Variants in CENPP observed in about 807,000 individuals in gnomAD.
The protein encoded by CENPP is centromere protein P.
In CENPP, 24 loss-of-function variants were observed where a neutral mutation model predicts 35.6. The observed-to-expected ratio is 0.67, with a 90% CI of 0.49 to 0.95. The LOEUF is 0.95. CENPP is among the 40% of genes least tolerant of loss of function. The pLI is 0.00. For missense variants in CENPP, 332 were observed against 345.3 expected (o/e 0.96, Z 0.31); for synonymous variants, 120 against 125.5 (o/e 0.96, Z 0.29).
rs1472679178 is a variant in CENPP at position 92,429,723 on chromosome 9, G to C, written c.564+49864G>C. ...AATTCCTTGAACCCAGGAGGCGGAG[G>C]TTGCAGTGAGCCGAGATTGCACCAT... On this transcript the variant is annotated intron_variant, in intron 5 of 7. Coordinates refer to ENST00000375587, the MANE Select transcript of CENPP (RefSeq NM_001012267.3). 2.6e-5 allele frequency among the ~76,000 whole-genome samples: 4 copies of C among 152,024 alleles called. No individual in the cohort carries two copies. In the East Asian group the frequency reaches 7.7e-4, roughly 29 times the overall value.
At chr9:92,414,874 A>G (rs995945216) in intron 5 of CENPP, 3 of 275,504 alleles carry the variant, frequency 1.1e-5, no homozygotes, top group Non-Finnish European at 2.0e-5. Flanking sequence ...CTTTAACATG[A>G]TATTTCTATA....
chr9:92,475,145 G>C (rs185255481), intron 5 of CENPP, among the ~76,000 whole-genome samples: 1 of 152,180 alleles, frequency 6.6e-6, no homozygotes, highest in Admixed American at 6.5e-5. Context: ...TTAAAATCTA[G>C]TCTCAGGAAA....
intron 5 of CENPP, among the ~76,000 whole-genome samples, chr9:92,599,047 C>T (rs1262018446): frequency 3.3e-5 from 5 of 151,736 alleles, no homozygotes; most frequent in African/African-American, 4.8e-5. Context: ...TTGCAGTGAA[C>T]TGAGATCGCA....
In CENPP at chr9:92,467,179, C is replaced by T. The variant is rs182318739; in HGVS notation, c.564+87320C>T. 1.6e-4 allele frequency among the ~76,000 whole-genome samples: 25 copies of T among 152,290 alleles called. No individual in the cohort carries two copies. In the East Asian group the frequency reaches 4.6e-3, roughly 28 times the overall value. The stretch of plus-strand genomic sequence containing the variant: ...TTGGGTATTTCTCAGGGCAATAAGA[C>T]AGCATCCTCCAGAGGAGGTCTAATA... On this transcript the variant is annotated intron_variant, in intron 5 of 7. Transcript: ENST00000375587.
In CENPP at chr9:92,552,188, T is replaced by C. The variant is rs1564000390; in HGVS notation, c.565-59126T>C. Among the ~76,000 whole-genome samples the C allele has an allele frequency of 1.7e-3, 173 of 99,676 alleles. 1 individual carries two copies. Among genetic ancestry groups the C allele is most frequent in the African/African-American group, 2.4e-3 (37 of 15,598 alleles). 65.4% of individuals were successfully genotyped at this position (99,676 alleles called of 152,430 possible). A position where few individuals can be genotyped will look rare whatever the true frequency, so the allele number is the denominator to read the frequency against. On this transcript the variant is annotated intron_variant, in intron 5 of 7. Coordinates refer to ENST00000375587, the MANE Select transcript of CENPP (RefSeq NM_001012267.3). Reference sequence around the variant, plus strand: ...TATATGTGATATGATAGATCTATCATATACACACACACACACACACACACA... The same window carrying C: ...TATATGTGATATGATAGATCTATCACATACACACACACACACACACACACA...
intron 5 of CENPP, among the ~76,000 whole-genome samples, chr9:92,398,099 A>T (rs1842965830): frequency 6.6e-6 from 1 of 152,112 alleles, no homozygotes; most frequent in Admixed American, 6.6e-5. Context: ...AGTATTGCTA[A>T]CTCATAACAC....
chr9:92,366,057 G>A (rs1312222588), intron 4 of CENPP, among the ~76,000 whole-genome samples: 1 of 151,492 alleles, frequency 6.6e-6, no homozygotes, highest in Non-Finnish European at 1.5e-5. Context: ...GCGGGCACCT[G>A]TAGTCCCAGC....
intron 5 of CENPP, chr9:92,493,982 C>T (rs1045020144): frequency 1.5e-5 from 17 of 1,143,256 alleles, no homozygotes; most frequent in East Asian, 7.4e-5. Flanking sequence ...AGTCTCCTGG[C>T]GGCCCTCAGG....
At chr9:92,547,756 A>G (rs1049844736) in intron 5 of CENPP, among the ~76,000 whole-genome samples, 1 of 152,252 alleles carries the variant, frequency 6.6e-6, no homozygotes, top group African/African-American at 2.4e-5. Flanking sequence ...CTAGGAATAT[A>G]CTAAAAACCA....
intron 5 of CENPP, among the ~76,000 whole-genome samples, chr9:92,579,069 A>T (rs1850354552): frequency 6.6e-6 from 1 of 150,584 alleles, no homozygotes; most frequent in African/African-American, 2.4e-5. Context: ...TCCTTTCCCC[A>T]TTGCTTGTTT....
In CENPP at chr9:92,613,059, T is replaced by G; in HGVS notation, c.777T>G (p.Pro259=). The part of the protein sequence containing the change: ...LDKNRAIETA[P]LSFRTLVGLL... ...AGAACAGAGCCATAGAAACTGCTCC[T>G]CTCAGCTTCCGAACCCTGGTAGGAC... Residue 259 remains proline (P), a synonymous_variant, in exon 8 of 8, where the codon CCT becomes CCG. Transcript: ENST00000375587. The G allele has an allele frequency of 6.2e-7, 1 of 1,614,170 alleles. No homozygotes were observed. Among genetic ancestry groups the G allele is most frequent in the Non-Finnish European group, 8.5e-7 (1 of 1,180,010 alleles).
intron 5 of CENPP, among the ~76,000 whole-genome samples, chr9:92,530,909 G>C (rs185939862): frequency 1.3e-5 from 2 of 152,132 alleles, no homozygotes; most frequent in Admixed American, 6.5e-5. Context: ...CCAATGTTTA[G>C]CTCTTACTTA....
chr9:92,601,945 A>C (rs1268352966), intron 5 of CENPP, among the ~76,000 whole-genome samples: 1 of 152,214 alleles, frequency 6.6e-6, no homozygotes, highest in Non-Finnish European at 1.5e-5. Context: ...TTCCACTGAC[A>C]GGCCCTAGAA....
chr9:92,456,915 CA>C, intron 5 of CENPP: 21 of 1,008,758 alleles, frequency 2.1e-5, no homozygotes, highest in Non-Finnish European at 2.4e-5. Context: ...TGAAAGAGCA[CA>C]AATTTTGCTA....
intron 5 of CENPP, among the ~76,000 whole-genome samples, chr9:92,529,453 TG>T (rs1467140971): frequency 6.6e-6 from 1 of 152,170 alleles, no homozygotes; most frequent in Admixed American, 6.5e-5. Context: ...TCGTGCCCCT[TG>T]GTATTTACCC....
intron 5 of CENPP, among the ~76,000 whole-genome samples, chr9:92,562,942 G>A (rs750227618): frequency 7.2e-5 from 11 of 152,148 alleles, no homozygotes; most frequent in Admixed American, 1.3e-4. Context: ...ATTACTGGAA[G>A]ATGATATCAT....
chr9:92,549,069 A>T (rs1344033708), intron 5 of CENPP, among the ~76,000 whole-genome samples: 1 of 152,210 alleles, frequency 6.6e-6, no homozygotes, highest in Non-Finnish European at 1.5e-5. Context: ...GCACAGAAAG[A>T]CAGCAAAATA....
intron 5 of CENPP, among the ~76,000 whole-genome samples, chr9:92,461,379 T>A (rs1382169299): frequency 6.6e-6 from 1 of 152,254 alleles, no homozygotes. Flanking sequence ...ATTTTACAGT[T>A]GATTTGTTCA....
At chr9:92,463,682 G>C (rs1845198415) in intron 5 of CENPP, among the ~76,000 whole-genome samples, 1 of 152,018 alleles carries the variant, frequency 6.6e-6, no homozygotes, top group African/African-American at 2.4e-5. Flanking sequence ...CAGATGAAAG[G>C]GATTTTATAT....
Sources: gnomAD v4.1 joint callset for allele counts (sites outside exome capture counted in the v4.1 genomes callset) on GRCh38, gnomAD v4.1.1 for gene constraint, MANE v1.5 for transcripts, NCBI Gene and HGNC (gene_info 2026-07-23, HGNC 2026-07-21) for gene names.